Variants in TSPAN11 observed in about 807,000 individuals in gnomAD.
TSPAN11 encodes the protein tetraspanin-11.
Under a neutral mutation model 32.9 loss-of-function variants are expected in TSPAN11, and 29 were observed. That is an observed-to-expected ratio of 0.88 (90% CI 0.66 to 1.20). The LOEUF is 1.20. Among genes scored for constraint, TSPAN11 ranks in the 50% most tolerant of loss-of-function variants. TSPAN11 has a pLI of 0.00. For missense variants in TSPAN11, 283 were observed against 329.1 expected, an observed-to-expected ratio of 0.86 and a Z score of 1.08; for synonymous variants, 140 against 141.3, an observed-to-expected ratio of 0.99 and a Z score of 0.07.
chr12:30,953,866 C>A, intron 1 of TSPAN11, 115 bp from the exon 2 acceptor site: 1 of 693,632 alleles, frequency 1.4e-6, no homozygotes, highest in South Asian at 1.9e-5. Context: ...TCAAAGCCCC[C>A]GGCAGATAGG....
At chr12:30,984,552 C>CTTTTTTTTTTTT (rs55772956) in intron 7 of TSPAN11, among the ~76,000 whole-genome samples, 14 of 68,580 alleles carry the variant, frequency 2.0e-4, no homozygotes, top group East Asian at 4.7e-4. Flanking sequence ...TCGCTTTTTG[C>CTTTTTTTTTTTT]TTTTTTTTTT....
rs11051175 is a variant in TSPAN11 at position 30,942,572 on chromosome 12, C to A, written c.-11-11409C>A. Reference sequence around the variant, plus strand: ...CATGCATGTGGCATTGGAATATAACCAAAAAAGAAAAAGAAACACAGGTAG... The same window carrying A: ...CATGCATGTGGCATTGGAATATAACAAAAAAAGAAAAAGAAACACAGGTAG... On this transcript the variant is annotated intron_variant, in intron 1 of 7. Coordinates refer to ENST00000546076, the MANE Select transcript of TSPAN11 (RefSeq NM_001370302.1). Among the ~76,000 whole-genome samples, 345 of 151,786 alleles carry A rather than the reference C, an allele frequency of 2.3e-3. 1 individual carries two copies. Among genetic ancestry groups the A allele is most frequent in the African/African-American group, 8.0e-3 (329 of 41,350 alleles).
chr12:31,006,233 G>A, the TSPAN11 span, among the ~76,000 whole-genome samples: 1 of 152,198 alleles, frequency 6.6e-6, no homozygotes, highest in Non-Finnish European at 1.5e-5. Context: ...GGCGAGGCAG[G>A]GTGACTCAGG....
At chr12:30,980,056 C>T (rs1939057722) in intron 5 of TSPAN11, among the ~76,000 whole-genome samples, 1 of 152,238 alleles carries the variant, frequency 6.6e-6, no homozygotes, top group Non-Finnish European at 1.5e-5. Context: ...CTGCCTTCCT[C>T]CTTCCCCGGG....
chr12:31,003,338 C>T, the TSPAN11 span, among the ~76,000 whole-genome samples: 1 of 152,194 alleles, frequency 6.6e-6, no homozygotes, highest in African/African-American at 2.4e-5. Flanking sequence ...TGGAGACTTC[C>T]ACCTAATGTA....
downstream of TSPAN11, among the ~76,000 whole-genome samples, chr12:30,997,784 CA>C (rs1052739909): frequency 2.0e-5 from 3 of 152,150 alleles, no homozygotes; most frequent in Non-Finnish European, 4.4e-5. Flanking sequence ...TGGGGGTGGT[CA>C]GGGGGGTGGC....
chr12:30,979,852 TC>T (rs908978521), intron 5 of TSPAN11, among the ~76,000 whole-genome samples, 182 bp downstream of exon 5: 1 of 152,202 alleles, frequency 6.6e-6, no homozygotes, highest in African/African-American at 2.4e-5. Flanking sequence ...TCTCTAGATG[TC>T]CCCACTGCCA....
At chr12:31,013,281 C>A in the TSPAN11 span, among the ~76,000 whole-genome samples, 1 of 152,098 alleles carries the variant, frequency 6.6e-6, no homozygotes. Flanking sequence ...CTCTACCAGG[C>A]CCAGGGAGAA....
chr12:31,007,317 A>G, the TSPAN11 span, among the ~76,000 whole-genome samples: 97 of 152,210 alleles, frequency 6.4e-4, 1 homozygote, highest in African/African-American at 2.2e-3. Context: ...GCCCGGGTAC[A>G]GGGCCACACC....
intron 3 of TSPAN11, 120 bp downstream of exon 3, chr12:30,964,137 G>A (rs916747281): frequency 1.7e-5 from 21 of 1,245,060 alleles, no homozygotes; most frequent in Admixed American, 2.4e-5. Context: ...GGGAGTGCCC[G>A]AGAAGGGGTG....
At chr12:30,988,265 G>A (rs1244934516) in intron 7 of TSPAN11, among the ~76,000 whole-genome samples, 10 of 152,280 alleles carry the variant, frequency 6.6e-5, no homozygotes, top group African/African-American at 9.6e-5. Context: ...CAGAGCCACC[G>A]GCCCTGGCTG....
At chr12:30,998,503 CCCCTATTTCCTTTT>C (rs1490055837), downstream of TSPAN11, among the ~76,000 whole-genome samples, 1 of 152,230 alleles carries the variant, frequency 6.6e-6, no homozygotes, top group Non-Finnish European at 1.5e-5. Context: ...GCATGACAAG[CCCCTATTTCCTTTT>C]CCCTCTGGCT....
chr12:30,997,524 G>C (rs1370240799), downstream of TSPAN11: 1 of 152,398 alleles, frequency 6.6e-6, no homozygotes, highest in East Asian at 1.9e-4. Context: ...CGGCAGGAGA[G>C]AGAGAGTGAG....
In TSPAN11 at chr12:30,980,287, C is replaced by T. The variant is rs144134727; in HGVS notation, c.456+617C>T. Among the ~76,000 whole-genome samples the T allele has an allele frequency of 2.0e-3, 303 of 152,346 alleles. 1 individual carries two copies. Among genetic ancestry groups the T allele is most frequent in the African/African-American group, 5.0e-3 (206 of 41,582 alleles). ...GACCTCAGAGCTGTCCTGTTCAATACGGTAGTCACCACCCACATGTGGCTA... is the reference window on the plus strand; with the variant it reads ...GACCTCAGAGCTGTCCTGTTCAATATGGTAGTCACCACCCACATGTGGCTA... On this transcript the variant is annotated intron_variant, in intron 5 of 7. Coordinates refer to ENST00000546076, the MANE Select transcript of TSPAN11 (RefSeq NM_001370302.1).
chr12:30,979,464 C>A lies in TSPAN11; in HGVS notation c.352-102C>A. On this transcript the variant is annotated intron_variant, in intron 4 of 7. Coordinates refer to ENST00000546076, the MANE Select transcript of TSPAN11 (RefSeq NM_001370302.1). ...TCCGCATCACACCATCCACAGTCCG[C>A]AGTGTTCTAGAATTAGCTGGGGGGA... The A allele has an allele frequency of 5.8e-6, 6 of 1,027,864 alleles. No homozygotes were observed. The South Asian group carries it at 8.3e-5, about 14-fold the overall frequency. The allele number at this position is 1,027,864 out of a possible 1,614,324, so 63.7% of individuals were successfully genotyped here.
intron 2 of TSPAN11, among the ~76,000 whole-genome samples, chr12:30,957,000 G>T (rs764020719): frequency 2.0e-5 from 3 of 152,262 alleles, no homozygotes; most frequent in Non-Finnish European, 4.4e-5. Context: ...CAGAGAAGAT[G>T]GAGGACTTGA....
chr12:30,961,076 AC>A (rs1252584925), intron 2 of TSPAN11, among the ~76,000 whole-genome samples: 1 of 151,502 alleles, frequency 6.6e-6, no homozygotes, highest in East Asian at 1.9e-4. Flanking sequence ...ATGGAAAACC[AC>A]GCTAGATTCT....
chr12:30,998,831 A>AGG (rs1939450247), downstream of TSPAN11: 1 of 152,252 alleles, frequency 6.6e-6, no homozygotes, highest in Non-Finnish European at 1.5e-5. Context: ...ATTCTACTTT[A>AGG]GAGAACCCTG....
chr12:31,005,024 G>T, the TSPAN11 span, among the ~76,000 whole-genome samples: 1 of 152,202 alleles, frequency 6.6e-6, no homozygotes, highest in Non-Finnish European at 1.5e-5. Context: ...TCCTCTCCAC[G>T]CATTCTGAGC....
Sources: gnomAD v4.1 joint callset for allele counts (sites outside exome capture counted in the v4.1 genomes callset) on GRCh38, gnomAD v4.1.1 for gene constraint, MANE v1.5 for transcripts, NCBI Gene and HGNC (gene_info 2026-07-23, HGNC 2026-07-21) for gene names.